Variants in AGBL4 observed in about 807,000 individuals in gnomAD.
The protein encoded by AGBL4 is cytosolic carboxypeptidase 6.
A neutral mutation model predicts 66.4 loss-of-function variants in AGBL4; 58 were observed. The observed-to-expected ratio is 0.87, with a 90% CI of 0.71 to 1.09. The LOEUF (loss-of-function observed/expected upper bound fraction) is 1.09. Among genes scored for constraint, AGBL4 ranks in the 50% least tolerant of loss-of-function variants. The pLI, the probability that AGBL4 is intolerant of heterozygous loss-of-function variation, is 0.00. For synonymous variants in AGBL4, 234 were observed against 222.9 expected (o/e 1.05, Z -0.44); for missense variants, 579 against 631.0 (o/e 0.92, Z 0.88).
At chr1:50,010,737 A>C (rs191559599) in intron 1 of AGBL4, among the ~76,000 whole-genome samples, 2 of 152,338 alleles carry the variant, frequency 1.3e-5, no homozygotes, top group Admixed American at 1.3e-4. Context: ...CTCTTCAGTA[A>C]ATGGTGCTAG....
chr1:49,782,647 T>A (rs1268191545), intron 2 of AGBL4, among the ~76,000 whole-genome samples: 1 of 152,164 alleles, frequency 6.6e-6, no homozygotes, highest in Non-Finnish European at 1.5e-5. Context: ...ACAGTGTTGG[T>A]AAGTGGGGTC....
At chr1:49,515,459 C>T (rs1000422411) in intron 3 of AGBL4, among the ~76,000 whole-genome samples, 11 of 152,074 alleles carry the variant, frequency 7.2e-5, no homozygotes, top group Non-Finnish European at 1.6e-4. Flanking sequence ...ACTCATTCAA[C>T]AATTGTGGAA....
chr1:49,943,134 A>G (rs1442797426), intron 1 of AGBL4, among the ~76,000 whole-genome samples: 2 of 152,176 alleles, frequency 1.3e-5, no homozygotes, highest in East Asian at 3.8e-4. Flanking sequence ...CACAGCTGTT[A>G]GAATGGTTAT....
chr1:49,477,944 T>C (rs573128054), intron 3 of AGBL4, among the ~76,000 whole-genome samples: 3 of 151,578 alleles, frequency 2.0e-5, no homozygotes, highest in Admixed American at 6.6e-5. Flanking sequence ...ATCAGTCTTT[T>C]AATAGCAGAA....
At chr1:49,327,330 A>T (rs1290169029) in intron 3 of AGBL4, among the ~76,000 whole-genome samples, 1 of 152,240 alleles carries the variant, frequency 6.6e-6, no homozygotes, top group Non-Finnish European at 1.5e-5. Flanking sequence ...CAAGATGAGC[A>T]TAATTTACTA....
chr1:48,561,004 G>A (rs1043694858), intron 11 of AGBL4, among the ~76,000 whole-genome samples: 2 of 152,108 alleles, frequency 1.3e-5, no homozygotes, highest in Non-Finnish European at 2.9e-5. Flanking sequence ...TAGTGACCCT[G>A]CACCCTGGCC....
chr1:49,054,614 T>C (rs1644277265), intron 4 of AGBL4, among the ~76,000 whole-genome samples: 1 of 152,006 alleles, frequency 6.6e-6, no homozygotes. Flanking sequence ...CTATTTTCTA[T>C]CTTCAAAATA....
chr1:49,804,376 G>T lies in AGBL4; in HGVS notation c.157+47020C>A, dbSNP rs980023192. 5.9e-5 allele frequency among the ~76,000 whole-genome samples: 9 copies of T among 152,142 alleles called. No homozygotes were observed. In the East Asian group the frequency reaches 9.6e-4, roughly 16 times the overall value. The stretch of plus-strand genomic sequence containing the variant: ...TCAATGTGTCCCAGGGAAGCCAAAA[G>T]GTTGGACATCTCCAGTGTAAGCCAT... On this transcript the variant is annotated intron_variant, in intron 2 of 13. Coordinates refer to ENST00000371839, the MANE Select transcript of AGBL4 (RefSeq NM_032785.4).
chr1:49,648,510 G>A lies in AGBL4; in HGVS notation c.282+48803C>T, dbSNP rs545692831. 1.5e-3 allele frequency among the ~76,000 whole-genome samples: 227 copies of A among 152,054 alleles called. 7 individuals are homozygous for A. The South Asian group carries it at 0.046, about 31-fold the overall frequency. On this transcript the variant is annotated intron_variant, in intron 3 of 13. Transcript: ENST00000371839. ...GTCAGACACAAAACCACAAATCCAG[G>A]AGGCTCACAGAACACCAAGCAGGAT... is the stretch of plus-strand genomic sequence containing the variant.
intron 3 of AGBL4, among the ~76,000 whole-genome samples, chr1:49,690,964 G>A (rs965224836): frequency 2.0e-5 from 3 of 152,042 alleles, no homozygotes; most frequent in Non-Finnish European, 4.4e-5. Context: ...GAAGAGCTAG[G>A]CCTGGAATGT....
chr1:49,875,944 ATAAATGTCTTCTTTT>A (rs1310288816), intron 1 of AGBL4, among the ~76,000 whole-genome samples: 2 of 147,482 alleles, frequency 1.4e-5, no homozygotes, highest in Non-Finnish European at 3.0e-5. Context: ...TTTTGGCTGC[ATAAATGTCTTCTTTT>A]GAGAAGTGTC....
chr1:49,100,079 A>T (rs1645173684), intron 4 of AGBL4, among the ~76,000 whole-genome samples: 1 of 152,158 alleles, frequency 6.6e-6, no homozygotes. Context: ...TGAAGCAAAA[A>T]CTGAAGAGGA....
intron 2 of AGBL4, among the ~76,000 whole-genome samples, chr1:49,748,575 G>A (rs1304435533): frequency 6.6e-6 from 1 of 152,130 alleles, no homozygotes; most frequent in East Asian, 1.9e-4. Context: ...AGATCCTTGA[G>A]GAATCGCCAC....
At chr1:49,160,713 C>G (rs1475254019) in intron 4 of AGBL4, among the ~76,000 whole-genome samples, 1 of 152,228 alleles carries the variant, frequency 6.6e-6, no homozygotes, top group Non-Finnish European at 1.5e-5. Flanking sequence ...AAGCCCCTGA[C>G]TGGGGCTTCT....
At chr1:49,123,628 G>A (rs909981455) in intron 4 of AGBL4, among the ~76,000 whole-genome samples, 11 of 152,158 alleles carry the variant, frequency 7.2e-5, no homozygotes, top group African/African-American at 1.9e-4. Flanking sequence ...TTGCTAGGGT[G>A]TGTCTAAGGA....
At chr1:49,152,914 T>C (rs913119170) in intron 4 of AGBL4, among the ~76,000 whole-genome samples, 1 of 152,190 alleles carries the variant, frequency 6.6e-6, no homozygotes, top group African/African-American at 2.4e-5. Flanking sequence ...AGGGAGCTTT[T>C]ATCTTCCGAG....
Position 48,663,168 on chromosome 1 carries a change from T to TG in AGBL4, c.707dup (p.Ser237IlefsTer9). On this transcript the variant is annotated frameshift_variant, in exon 7 of 14. Transcript: ENST00000371839. LOFTEE classifies it high-confidence loss of function. ...GCCACTCACCTTGGCACACAAATGA[T>TG]GAGGGTGTTTCCCCTGGGTGGACTC... 1 of 1,613,938 alleles carries TG rather than the reference T, an allele frequency of 6.2e-7. No homozygotes were observed. Among genetic ancestry groups the TG allele is most frequent in the Non-Finnish European group, 8.5e-7 (1 of 1,179,856 alleles).
chr1:49,677,723 T>C (rs1646608215), intron 3 of AGBL4, among the ~76,000 whole-genome samples: 1 of 152,024 alleles, frequency 6.6e-6, no homozygotes, highest in Non-Finnish European at 1.5e-5. Flanking sequence ...CATTTGGAGA[T>C]GGGGAGTTAG....
intron 6 of AGBL4, among the ~76,000 whole-genome samples, chr1:48,760,580 T>C (rs1341493971): frequency 6.6e-6 from 1 of 152,228 alleles, no homozygotes; most frequent in Non-Finnish European, 1.5e-5. Flanking sequence ...GCAAGGACCA[T>C]GTCTGGCTAA....
Sources: gnomAD v4.1 joint callset for allele counts (sites outside exome capture counted in the v4.1 genomes callset) on GRCh38, gnomAD v4.1.1 for gene constraint, MANE v1.5 for transcripts, NCBI Gene and HGNC (gene_info 2026-07-23, HGNC 2026-07-21) for gene names.